Variants in ZNF678 observed in about 807,000 individuals in gnomAD.
ZNF678 encodes the protein zinc finger protein 678, also known as hypothetical protein MGC42493.
ZNF678 carries 5 observed loss-of-function variants against 3.0 expected under a neutral mutation model. The observed-to-expected ratio is 1.69, with a 90% CI of 0.88 to 3.56. ZNF678 has a LOEUF of 3.56. Ranked by LOEUF, ZNF678 falls within the 30% of genes most tolerant of loss-of-function variation. The pLI, the probability that ZNF678 is intolerant of heterozygous loss-of-function variation, is 0.00. For missense variants in ZNF678, 593 were observed against 605.0 expected (o/e 0.98, Z 0.21); for synonymous variants, 218 against 199.6 (o/e 1.09, Z -0.78).
intron 5 of ZNF678, among the ~76,000 whole-genome samples, chr1:227,669,807 C>T (rs1250821677): frequency 2.0e-5 from 3 of 152,228 alleles, no homozygotes; most frequent in Middle Eastern, 3.4e-3. Flanking sequence ...TCTCAAAGAA[C>T]TTAAAACAGA....
intron 1 of ZNF678, among the ~76,000 whole-genome samples, chr1:227,599,631 T>C (rs1339271258): frequency 6.6e-6 from 1 of 152,188 alleles, no homozygotes; most frequent in African/African-American, 2.4e-5. Flanking sequence ...AGTTTTATTA[T>C]GCCATAGTAG....
downstream of ZNF678, among the ~76,000 whole-genome samples, chr1:227,677,724 G>T (rs72750259): frequency 0.067 from 10,233 of 152,236 alleles, 470 homozygotes; most frequent in Non-Finnish European, 0.1. Context: ...TCTTTTCCCT[G>T]AACCAAATAC....
intron 5 of ZNF678, among the ~76,000 whole-genome samples, chr1:227,669,491 A>G (rs1229450219): frequency 6.7e-6 from 1 of 148,652 alleles, no homozygotes; most frequent in Non-Finnish European, 1.5e-5. Flanking sequence ...ATATATATCT[A>G]AAAAAAAATT....
chr1:227,600,938 G>C (rs1657722706), intron 1 of ZNF678, among the ~76,000 whole-genome samples: 2 of 152,120 alleles, frequency 1.3e-5, no homozygotes, highest in Non-Finnish European at 2.9e-5. Flanking sequence ...GATTCATCTT[G>C]AGTTTTGTGT....
intron 1 of ZNF678, among the ~76,000 whole-genome samples, chr1:227,636,490 C>T (rs1180075205): frequency 2.0e-5 from 3 of 152,124 alleles, no homozygotes; most frequent in Admixed American, 2.0e-4. Flanking sequence ...TCTAGAACAG[C>T]CTGTAGTCTA....
Position 227,660,574 on chromosome 1 carries a change from A to AT in ZNF678, c.*4750dup, listed in dbSNP as rs1659378219. On this transcript the variant is annotated 3_prime_UTR_variant, in exon 4 of 4. Coordinates refer to ENST00000343776, the MANE Select transcript of ZNF678 (RefSeq NM_001367909.1). The stretch of plus-strand genomic sequence containing the variant: ...AAATGCTACTGACCCTTATATCTTG[A>AT]TTTTGTATCCTGCAACTTTAGTGAA... 1 of 152,114 alleles carries AT rather than the reference A, an allele frequency of 6.6e-6. No homozygotes were observed. The highest frequency in any genetic ancestry group is 2.1e-4 in the South Asian group (1 of 4,830). The allele number at this position is 152,114 out of a possible 1,614,324, so 9.4% of individuals were successfully genotyped here.
chr1:227,574,457 C>G (rs966448977), intron 1 of ZNF678, among the ~76,000 whole-genome samples: 1 of 152,130 alleles, frequency 6.6e-6, no homozygotes, highest in East Asian at 1.9e-4. Context: ...TTTTTGGTTG[C>G]ATGGATGTTT....
chr1:227,579,482 TG>T (rs547904113), intron 1 of ZNF678, among the ~76,000 whole-genome samples: 6 of 151,940 alleles, frequency 3.9e-5, no homozygotes, highest in African/African-American at 9.7e-5. Flanking sequence ...TGGTGGTTGG[TG>T]GGGGGGTCCA....
intron 1 of ZNF678, among the ~76,000 whole-genome samples, chr1:227,569,733 TACAA>T (rs1479277039): frequency 1.3e-5 from 2 of 152,242 alleles, no homozygotes; most frequent in Admixed American, 6.5e-5. Context: ...TTATGCCATC[TACAA>T]ACAGTGACTT....
intron 1 of ZNF678, among the ~76,000 whole-genome samples, chr1:227,646,135 C>T (rs977527057): frequency 6.6e-6 from 1 of 152,218 alleles, no homozygotes; most frequent in African/African-American, 2.4e-5. Context: ...CAGGTTTCAG[C>T]CCAGACCTTC....
intron 1 of ZNF678, among the ~76,000 whole-genome samples, chr1:227,606,705 C>G (rs998512167): frequency 1.3e-5 from 2 of 152,144 alleles, no homozygotes; most frequent in Non-Finnish European, 2.9e-5. Flanking sequence ...CCCAGCCTTT[C>G]TTGGGCAGAG....
At chr1:227,591,506 T>A (rs897182510) in intron 1 of ZNF678, among the ~76,000 whole-genome samples, 1 of 152,360 alleles carries the variant, frequency 6.6e-6, no homozygotes, top group East Asian at 1.9e-4. Flanking sequence ...CATCCTATTT[T>A]TAACTTATTA....
chr1:227,612,506 A>T (rs1451679440), intron 1 of ZNF678, among the ~76,000 whole-genome samples: 2 of 152,142 alleles, frequency 1.3e-5, no homozygotes, highest in Non-Finnish European at 2.9e-5. Flanking sequence ...CACCGTGTCT[A>T]GACTCACACC....
At chr1:227,611,911 C>CTTGTCAAA (rs545736557) in intron 1 of ZNF678, among the ~76,000 whole-genome samples, 61 of 152,256 alleles carry the variant, frequency 4.0e-4, no homozygotes, top group Admixed American at 3.7e-3. Flanking sequence ...CCAAGCATCT[C>CTTGTCAAA]TTGTCAAATG....
At chr1:227,576,400 A>C (rs990982384) in intron 1 of ZNF678, among the ~76,000 whole-genome samples, 1 of 151,994 alleles carries the variant, frequency 6.6e-6, no homozygotes, top group Non-Finnish European at 1.5e-5. Flanking sequence ...TTGGTTGGGA[A>C]GATATTACTC....
At position 227,656,464 on chromosome 1, in the gene ZNF678, A is replaced by G. The variant is rs564597741; in HGVS notation, c.*636A>G. On this transcript the variant is annotated 3_prime_UTR_variant, in exon 4 of 4. Transcript: ENST00000343776. ...TATTGATATAATTCATATCTCAAATAACTTGATTTTTATTATATTTATTGT... is the reference window on the plus strand; with the variant it reads ...TATTGATATAATTCATATCTCAAATGACTTGATTTTTATTATATTTATTGT... 5 of 151,868 alleles carry G rather than the reference A, an allele frequency of 3.3e-5. No individual in the cohort carries two copies. The South Asian group carries it at 8.3e-4, about 25-fold the overall frequency. The allele number at this position is 151,868 out of a possible 1,614,324, so 9.4% of individuals were successfully genotyped here.
At chr1:227,632,198 C>T (rs1658564063) in intron 1 of ZNF678, among the ~76,000 whole-genome samples, 2 of 152,142 alleles carry the variant, frequency 1.3e-5, no homozygotes, top group South Asian at 4.1e-4. Flanking sequence ...GGGAAAGACT[C>T]CCTGGGTTCA....
chr1:227,572,415 TTG>T (rs1656871449), intron 1 of ZNF678, among the ~76,000 whole-genome samples: 1 of 152,252 alleles, frequency 6.6e-6, no homozygotes, highest in Non-Finnish European at 1.5e-5. Context: ...TTGGGAATGC[TTG>T]GCCAGTAGTG....
chr1:227,633,163 G>C (rs763369190), intron 1 of ZNF678, among the ~76,000 whole-genome samples: 2 of 152,182 alleles, frequency 1.3e-5, no homozygotes, highest in Admixed American at 1.3e-4. Context: ...CTGGCATGGC[G>C]GCAATCAGCA....
Sources: gnomAD v4.1 joint callset for allele counts (sites outside exome capture counted in the v4.1 genomes callset) on GRCh38, gnomAD v4.1.1 for gene constraint, MANE v1.5 for transcripts, NCBI Gene and HGNC (gene_info 2026-07-23, HGNC 2026-07-21) for gene names.